DPYSL3: variants seen among roughly 807,000 people sequenced by gnomAD.
DPYSL3 encodes the protein dihydropyrimidinase like 3.
In DPYSL3, 16 loss-of-function variants were observed where a neutral mutation model predicts 66.1. That is an observed-to-expected ratio of 0.24 (90% CI 0.16 to 0.37). The LOEUF is 0.37. Ranked by LOEUF, DPYSL3 falls within the 10% of genes least tolerant of loss-of-function variation. The probability of loss-of-function intolerance (pLI) is 1.00; values close to 1 mark genes in which losing one functional copy is unlikely to be tolerated. For missense variants in DPYSL3, 738 were observed against 916.2 expected (o/e 0.81, Z 2.51); for synonymous variants, 338 against 345.1 (o/e 0.98, Z 0.23).
At chr5:147,395,445 G>A (rs1757939254) in intron 13 of DPYSL3, 114 bp downstream of exon 13, 2 of 1,329,630 alleles carry the variant, frequency 1.5e-6, no homozygotes, top group Non-Finnish European at 2.1e-6. Flanking sequence ...GTTGACACCA[G>A]TGCTAGGCTG....
chr5:147,408,644 T>G, intron 7 of DPYSL3, 84 bp downstream of exon 7: 2 of 1,448,146 alleles, frequency 1.4e-6, no homozygotes, highest in Non-Finnish European at 1.9e-6. Flanking sequence ...GTTCCAATAC[T>G]GCAACCTGGT....
chr5:147,453,632 C>G, intron 1 of DPYSL3: 1 of 1,517,244 alleles, frequency 6.6e-7, no homozygotes, highest in Non-Finnish European at 8.8e-7. Context: ...CCTCCTTCTT[C>G]TGCTCCGGCT....
At chr5:147,415,575 A>G (rs1751947406) in intron 4 of DPYSL3, 134 bp downstream of exon 4, 2 of 1,034,112 alleles carry the variant, frequency 1.9e-6, no homozygotes, top group East Asian at 2.4e-5. Flanking sequence ...ACATTGTGTT[A>G]TCCCTACATC....
chr5:147,452,577 T>C (rs2126396575), intron 1 of DPYSL3, among the ~76,000 whole-genome samples: 1 of 152,248 alleles, frequency 6.6e-6, no homozygotes, highest in East Asian at 1.9e-4. Context: ...CAGCCTGCCA[T>C]ATGTGCCTAC....
chr5:147,404,485 G>A (rs926006160), intron 8 of DPYSL3, among the ~76,000 whole-genome samples: 1 of 152,216 alleles, frequency 6.6e-6, no homozygotes, highest in Non-Finnish European at 1.5e-5. Flanking sequence ...AATCACCCAT[G>A]TTGGGCCTCT....
At chr5:147,400,871 T>C (rs1758151723) in intron 9 of DPYSL3, 38 bp from the exon 10 acceptor site, 1 of 1,602,868 alleles carries the variant, frequency 6.2e-7, no homozygotes, top group African/African-American at 1.3e-5. Flanking sequence ...ACAGGGGAGA[T>C]GGCTGGAGGC....
chr5:147,403,574 T>C (rs2152018176), intron 8 of DPYSL3, among the ~76,000 whole-genome samples: 1 of 152,304 alleles, frequency 6.6e-6, no homozygotes, highest in East Asian at 1.9e-4. Context: ...AAAGTATTTA[T>C]GTCAGTGCAG....
chr5:147,495,542 C>A (rs1166910316), intron 1 of DPYSL3, among the ~76,000 whole-genome samples: 1 of 152,192 alleles, frequency 6.6e-6, no homozygotes, highest in East Asian at 1.9e-4. Flanking sequence ...TAAGCAACTT[C>A]AGCAAAGTCT....
At chr5:147,465,006 CT>C (rs1246695566) in intron 1 of DPYSL3, among the ~76,000 whole-genome samples, 1 of 152,080 alleles carries the variant, frequency 6.6e-6, no homozygotes, top group Non-Finnish European at 1.5e-5. Context: ...CAGGACTAGC[CT>C]AGCCAACATA....
chr5:147,491,534 G>A (rs1753415383), intron 1 of DPYSL3, among the ~76,000 whole-genome samples: 1 of 152,080 alleles, frequency 6.6e-6, no homozygotes, highest in African/African-American at 2.4e-5. Flanking sequence ...AAGGGCTTTA[G>A]TAGAAAAAGT....
At chr5:147,456,233 G>A (rs1181792803) in intron 1 of DPYSL3, among the ~76,000 whole-genome samples, 5 of 152,168 alleles carry the variant, frequency 3.3e-5, no homozygotes, top group African/African-American at 1.2e-4. Context: ...CATCAACACA[G>A]GATGCCTCTG....
At chr5:147,442,982 T>A (rs1347045439) in intron 1 of DPYSL3, among the ~76,000 whole-genome samples, 1 of 152,228 alleles carries the variant, frequency 6.6e-6, no homozygotes, top group East Asian at 1.9e-4. Flanking sequence ...TATTTTGTAA[T>A]GGAAAAAAAG....
At chr5:147,483,660 T>G (rs1753285456) in intron 1 of DPYSL3, among the ~76,000 whole-genome samples, 1 of 152,022 alleles carries the variant, frequency 6.6e-6, no homozygotes, top group African/African-American at 2.4e-5. Context: ...GAATCTCAGG[T>G]GAGTGGGAAA....
chr5:147,397,550 C>A, intron 12 of DPYSL3, 116 bp downstream of exon 12: 1 of 1,131,620 alleles, frequency 8.8e-7, no homozygotes, highest in Non-Finnish European at 1.2e-6. Context: ...AAGACTGTCA[C>A]TGAATTTCTC....
At chr5:147,440,375 G>T (rs1342537029) in intron 1 of DPYSL3, among the ~76,000 whole-genome samples, 1 of 152,188 alleles carries the variant, frequency 6.6e-6, no homozygotes. Context: ...CTTTTGGATT[G>T]ATTGCATATT....
chr5:147,478,268 A>G (rs1462359231), intron 1 of DPYSL3, among the ~76,000 whole-genome samples: 1 of 152,188 alleles, frequency 6.6e-6, no homozygotes, highest in Non-Finnish European at 1.5e-5. Flanking sequence ...TAGAACTTGC[A>G]TTCAGCTCTG....
At chr5:147,458,310 C>A (rs150153226) in intron 1 of DPYSL3, among the ~76,000 whole-genome samples, 103 of 152,274 alleles carry the variant, frequency 6.8e-4, no homozygotes, top group African/African-American at 2.4e-3. Flanking sequence ...GACCTTTGGT[C>A]GTCCTCACTG....
chr5:147,473,197 T>C (rs1458384017), intron 1 of DPYSL3: 1 of 152,196 alleles, frequency 6.6e-6, no homozygotes, highest in Non-Finnish European at 1.5e-5. Flanking sequence ...CCAAAGATCT[T>C]TTTTCACATC....
At chr5:147,502,777 C>T (rs1200621924) in intron 1 of DPYSL3, among the ~76,000 whole-genome samples, 1 of 152,048 alleles carries the variant, frequency 6.6e-6, no homozygotes, top group Non-Finnish European at 1.5e-5. Flanking sequence ...GAGGTTTCAC[C>T]GTGTTAGCCA....
Sources: allele counts gnomAD v4.1 joint callset (sites outside exome capture counted in the v4.1 genomes callset), GRCh38; gene constraint gnomAD v4.1.1; transcripts MANE v1.5; gene names NCBI Gene and HGNC (gene_info 2026-07-23, HGNC 2026-07-21).